SMARCA4: variants seen among roughly 807,000 people sequenced by gnomAD.
SMARCA4 encodes the protein SWI/SNF related BAF chromatin remodeling complex subunit ATPase 4.
Under a neutral mutation model 193.9 loss-of-function variants are expected in SMARCA4, and 31 were observed. The ratio of observed to expected loss-of-function variants is 0.16; its 90% CI spans 0.12 to 0.22. SMARCA4 has a LOEUF of 0.22. Among genes scored for constraint, SMARCA4 ranks in the 10% least tolerant of loss-of-function variants. The pLI, the probability that SMARCA4 is intolerant of heterozygous loss-of-function variation, is 1.00. For synonymous variants in SMARCA4, 942 were observed against 933.1 expected (o/e 1.01, Z -0.17); for missense variants, 1,148 against 2,296.0 (o/e 0.50, Z 10.22).
chr19:11,000,183 T>A (rs2087492051), intron 11 of SMARCA4, among the ~76,000 whole-genome samples: 1 of 149,330 alleles, frequency 6.7e-6, no homozygotes, highest in South Asian at 2.1e-4. Flanking sequence ...GCCAGGTTCA[T>A]GGCCATTGCA....
At chr19:11,005,864 C>T (rs2146150980) in intron 13 of SMARCA4, among the ~76,000 whole-genome samples, 1 of 152,344 alleles carries the variant, frequency 6.6e-6, no homozygotes, top group Admixed American at 6.5e-5. Flanking sequence ...ACTCGCTGAG[C>T]TCTGAAATGC....
chr19:11,024,887 C>G (rs1176687683), intron 21 of SMARCA4, among the ~76,000 whole-genome samples: 11 of 152,100 alleles, frequency 7.2e-5, no homozygotes, highest in Non-Finnish European at 1.2e-4. Flanking sequence ...GCCTTGACCT[C>G]GGCCTGGCTT....
intron 30 of SMARCA4, among the ~76,000 whole-genome samples, chr19:11,055,492 C>T (rs1018203801): frequency 1.1e-4 from 16 of 151,374 alleles, no homozygotes; most frequent in African/African-American, 3.9e-4. Context: ...CCAGCCGCAC[C>T]TTGTTTTTTT....
intron 13 of SMARCA4, among the ~76,000 whole-genome samples, chr19:11,005,344 C>T (rs1405839169): frequency 6.6e-6 from 1 of 152,074 alleles, no homozygotes; most frequent in Non-Finnish European, 1.5e-5. Context: ...TTGGTTTTAT[C>T]TTATTCGTGA....
rs376069303 is a variant in SMARCA4 at position 10,995,026 on chromosome 19, C to T, written c.1593+25C>T. The T allele has an allele frequency of 6.0e-5, 95 of 1,586,768 alleles. No homozygotes were observed. The East Asian group carries it at 9.2e-4, about 15-fold the overall frequency. On this transcript the variant is annotated intron_variant, in intron 9 of 34. Transcript: ENST00000344626. Reference sequence around the variant, plus strand: ...GGTATGGTCCTGCCTTCTTGACGTGCGCTCTTCTACATGTGTAGCTGGTAC... The same window carrying T: ...GGTATGGTCCTGCCTTCTTGACGTGTGCTCTTCTACATGTGTAGCTGGTAC...
intron 1 of SMARCA4, among the ~76,000 whole-genome samples, chr19:10,982,718 A>G (rs777952204): frequency 2.6e-5 from 4 of 151,782 alleles, no homozygotes; most frequent in Admixed American, 6.6e-5. Context: ...GTTACCCAGG[A>G]TGGTCTCGAT....
At chr19:11,022,010 G>A (rs771856804) in intron 19 of SMARCA4, 43 bp downstream of exon 19, 28 of 1,610,590 alleles carry the variant, frequency 1.7e-5, no homozygotes, top group East Asian at 2.2e-5. Flanking sequence ...TTCCAGGTGC[G>A]GCTGGCTTTG....
rs1429063844 is a variant in SMARCA4, at chr19:11,041,975, C to G, written c.4424+415C>G. On this transcript the variant is annotated intron_variant, in intron 30 of 34. Transcript: ENST00000344626. This position sits in a 1 kb window ranked among gnomAD's most constrained non-coding sequence, Gnocchi z 5.6. Reference sequence around the variant, plus strand: ...GTTATATGGCAGTAATGGGTGCTGCCCGTGTGGCCAGGAGGTTGGGGACAA... The same window carrying G: ...GTTATATGGCAGTAATGGGTGCTGCGCGTGTGGCCAGGAGGTTGGGGACAA... Among the ~76,000 whole-genome samples, 3 of 152,104 alleles carry G rather than the reference C, an allele frequency of 2.0e-5. No individual in the cohort carries two copies. Among genetic ancestry groups the G allele is most frequent in the African/African-American group, 7.2e-5 (3 of 41,428 alleles).
intron 11 of SMARCA4, among the ~76,000 whole-genome samples, chr19:11,002,478 C>A (rs2087730552): frequency 6.6e-6 from 1 of 150,388 alleles, no homozygotes; most frequent in South Asian, 2.1e-4. Flanking sequence ...GACTCCATCT[C>A]AAAAAAATAA....
In SMARCA4 at chr19:11,031,326, A is replaced by G. The variant is rs2074918041; in HGVS notation, c.3546+433A>G. On this transcript the variant is annotated intron_variant, in intron 25 of 34. Coordinates refer to ENST00000344626, the MANE Select transcript of SMARCA4 (RefSeq NM_003072.5). This position sits in a 1 kb window ranked among gnomAD's most constrained non-coding sequence, Gnocchi z 4.3. ...TACTTCCTCCTCTTGTTCCATAACC[A>G]TGTACCCCTCATGGGCCTCGGCATC... 7 of 245,552 alleles carry G rather than the reference A, an allele frequency of 2.9e-5. No homozygotes were observed. The Admixed American group carries it at 3.5e-4, about 12-fold the overall frequency. The allele number at this position is 245,552 out of a possible 1,614,324, so 15.2% of individuals were successfully genotyped here.
At chr19:11,014,664 T>A (rs1217268559) in intron 16 of SMARCA4, among the ~76,000 whole-genome samples, 1 of 152,142 alleles carries the variant, frequency 6.6e-6, no homozygotes, top group African/African-American at 2.4e-5. Flanking sequence ...CGATTTTCCC[T>A]CCTTTCACTT....
intron 8 of SMARCA4, 88 bp from the exon 9 acceptor site, chr19:10,994,740 A>G: frequency 8.3e-7 from 1 of 1,199,908 alleles, no homozygotes; most frequent in Non-Finnish European, 1.2e-6. Context: ...ATTACAGGCC[A>G]ATATTCTAGG....
chr19:10,987,020 A>G lies in SMARCA4; in HGVS notation c.859+17A>G, dbSNP rs761898669. On this transcript the variant is annotated intron_variant, in intron 5 of 34. Coordinates refer to ENST00000344626, the MANE Select transcript of SMARCA4 (RefSeq NM_003072.5). The surrounding 1 kb of genome is among the most constrained non-coding windows in gnomAD (Gnocchi z 5.3). The stretch of plus-strand genomic sequence containing the variant: ...GGCCTGAAGGTGAGCTCCCTCTTCT[A>G]TGGTGGTGCACCCGTGCCCTTACTC... 7.6e-6 allele frequency: 12 copies of G among 1,570,056 alleles called. No individual in the cohort carries two copies. The Admixed American group carries it at 1.0e-4, about 13-fold the overall frequency.
chr19:11,046,801 CA>C (rs2075950216), intron 30 of SMARCA4, among the ~76,000 whole-genome samples: 2 of 151,710 alleles, frequency 1.3e-5, no homozygotes, highest in African/African-American at 4.8e-5. Flanking sequence ...GCAAAAAATA[CA>C]AAAATTAGCC....
At chr19:10,976,710 C>T (rs893340281) in intron 1 of SMARCA4, among the ~76,000 whole-genome samples, 3 of 150,178 alleles carry the variant, frequency 2.0e-5, no homozygotes, top group South Asian at 4.2e-4. Context: ...GCTGTGATGG[C>T]GCCACTGCAT....
intron 30 of SMARCA4, among the ~76,000 whole-genome samples, chr19:11,053,586 T>TG (rs1318264230): frequency 2.6e-5 from 4 of 152,152 alleles, no homozygotes; most frequent in Non-Finnish European, 5.9e-5. Context: ...ACTGAGCAGT[T>TG]GCAACAGAGG....
chr19:11,046,943 T>G, intron 30 of SMARCA4, among the ~76,000 whole-genome samples: 1 of 131,822 alleles, frequency 7.6e-6, no homozygotes, highest in Admixed American at 7.7e-5. Context: ...GGTGAGACCC[T>G]GTTGCAAAAA....
At chr19:11,011,394 T>A (rs184208231) in intron 15 of SMARCA4, 2 of 152,130 alleles carry the variant, frequency 1.3e-5, no homozygotes, top group African/African-American at 4.8e-5. Context: ...CCGGCTAGTT[T>A]TTGTATTTTT....
chr19:11,021,594 C>T (rs1170395688), intron 18 of SMARCA4, 131 bp from the exon 19 acceptor site: 2 of 1,173,802 alleles, frequency 1.7e-6, no homozygotes, highest in East Asian at 2.6e-5. Flanking sequence ...GACGTCAGGC[C>T]TGTGCTCTCC....
Sources: allele counts gnomAD v4.1 joint callset (sites outside exome capture counted in the v4.1 genomes callset), GRCh38; gene constraint gnomAD v4.1.1; non-coding constraint Gnocchi (gnomAD v3.1); transcripts MANE v1.5; gene names NCBI Gene and HGNC (gene_info 2026-07-23, HGNC 2026-07-21).